HTT: variants seen among roughly 807,000 people sequenced by gnomAD.
The protein encoded by HTT is huntington disease protein.
In HTT, 104 loss-of-function variants were observed where a neutral mutation model predicts 362.3. The ratio of observed to expected loss-of-function variants is 0.29; its 90% CI spans 0.24 to 0.34. The LOEUF (loss-of-function observed/expected upper bound fraction) is 0.34, where lower values mean the gene tolerates loss of function less well. Ranked by LOEUF, HTT falls within the 10% of genes least tolerant of loss-of-function variation. HTT has a pLI of 1.00. For synonymous variants in HTT, 1,577 were observed against 1,548.7 expected (o/e 1.02, Z -0.43); for missense variants, 3,301 against 3,928.6 (o/e 0.84, Z 4.27).
intron 8 of HTT, among the ~76,000 whole-genome samples, chr4:3,116,466 C>T (rs150723108): frequency 1.3e-5 from 2 of 152,302 alleles, no homozygotes; most frequent in East Asian, 1.9e-4. Flanking sequence ...GCGGGTGATG[C>T]CTCCTCAGGT....
intron 7 of HTT, 56 bp downstream of exon 7, chr4:3,115,501 T>A: frequency 7.2e-7 from 1 of 1,387,772 alleles, no homozygotes; most frequent in Non-Finnish European, 1.0e-6. Flanking sequence ...AGATAGACCT[T>A]TGAAATAAAT....
intron 61 of HTT, among the ~76,000 whole-genome samples, chr4:3,234,745 C>T (rs937196774): frequency 2.6e-5 from 4 of 152,164 alleles, no homozygotes; most frequent in South Asian, 2.1e-4. Flanking sequence ...GACAGATATA[C>T]GCATCACTGG....
intron 23 of HTT, among the ~76,000 whole-genome samples, chr4:3,144,078 G>A (rs988339544): frequency 3.3e-5 from 5 of 152,126 alleles, no homozygotes; most frequent in African/African-American, 7.2e-5. Context: ...AAAAAAGGCA[G>A]AATACAAACC....
chr4:3,090,698 A>C (rs1250929370), intron 2 of HTT, among the ~76,000 whole-genome samples: 1 of 152,246 alleles, frequency 6.6e-6, no homozygotes, highest in Admixed American at 6.5e-5. Flanking sequence ...TTATATTACT[A>C]AGTTGAATTT....
Position 3,084,729 on chromosome 4 carries a change from C to G in HTT, c.264-2210C>G, listed in dbSNP as rs765746494. ...CAAGATCAATTAAAATACAGCATTA[C>G]TGGGCCGGGTGTGGTGGCTCACACC... On this transcript the variant is annotated intron_variant, in intron 1 of 66. Transcript: ENST00000355072. Among the ~76,000 whole-genome samples the G allele has an allele frequency of 8.0e-4, 120 of 149,834 alleles. 1 individual carries two copies. The highest frequency in any genetic ancestry group is 2.0e-4 in the Admixed American group (3 of 15,038).
At chr4:3,154,043 T>A (rs2110211577) in intron 26 of HTT, among the ~76,000 whole-genome samples, 1 of 152,320 alleles carries the variant, frequency 6.6e-6, no homozygotes, top group East Asian at 1.9e-4. Context: ...CCTTCCATCT[T>A]CAACTCATTC....
chr4:3,122,792 CT>C (rs1418083900), intron 9 of HTT, 96 bp from the exon 10 acceptor site: 2 of 922,060 alleles, frequency 2.2e-6, no homozygotes, highest in African/African-American at 3.3e-5. Context: ...CACATTTTCT[CT>C]AGTTTTAAAG....
chr4:3,122,954 C>CT lies in HTT; in HGVS notation c.1321+18_1321+19insT, dbSNP rs1254200888. 3 of 1,600,404 alleles carry CT rather than the reference C, an allele frequency of 1.9e-6. No individual in the cohort carries two copies. Among genetic ancestry groups the CT allele is most frequent in the Non-Finnish European group, 1.7e-6 (2 of 1,169,802 alleles). On this transcript the variant is annotated intron_variant, in intron 10 of 66. Transcript: ENST00000355072. ...ACAAAAAGGTGATTATTTCAGAAATCAGAGTCTTGTGTTGAATCTTACTGA... is the reference window on the plus strand; with the variant it reads ...ACAAAAAGGTGATTATTTCAGAAATCTAGAGTCTTGTGTTGAATCTTACTGA...
At chr4:3,106,248 C>T (rs1317809064) in intron 5 of HTT, among the ~76,000 whole-genome samples, 2 of 151,962 alleles carry the variant, frequency 1.3e-5, no homozygotes, top group Admixed American at 6.6e-5. Flanking sequence ...CACAGCCACT[C>T]GAGAGGCTGA....
At chr4:3,234,844 T>C (rs367895333) in intron 61 of HTT, among the ~76,000 whole-genome samples, 9 of 152,322 alleles carry the variant, frequency 5.9e-5, no homozygotes, top group African/African-American at 2.2e-4. Flanking sequence ...AGGTCCTCAC[T>C]GTGCCATGGG....
In HTT at chr4:3,074,942, G is replaced by T. The variant is rs1401136483; in HGVS notation, c.117G>T (p.Pro39=). The T allele has an allele frequency of 2.0e-6, 3 of 1,488,390 alleles. No individual in the cohort carries two copies. Among genetic ancestry groups the T allele is most frequent in the Non-Finnish European group, 2.7e-6 (3 of 1,123,302 alleles). The allele number at this position is 1,488,390 out of a possible 1,614,324, so 92.2% of individuals were successfully genotyped here. A position where few individuals can be genotyped will look rare whatever the true frequency, so the allele number is the denominator to read the frequency against. ...AGCAGCAGCAGCAGCAGCAACAGCC[G>T]CCACCGCCGCCGCCGCCGCCGCCGC... ...QQQQQQQQQQ[P]PPPPPPPPPP... is the part of the protein sequence containing the mutation. Residue 39 remains proline, a synonymous_variant, in exon 1 of 67, where the codon CCG becomes CCT. Coordinates refer to ENST00000355072, the MANE Select transcript of HTT (RefSeq NM_001388492.1).
rs781743669 is a variant in HTT, at chr4:3,146,965, G to A, written c.3295+17G>A. On this transcript the variant is annotated intron_variant, in intron 25 of 66. Transcript: ENST00000355072. ...TGCTTGCAGGTACTGGTACTGAGTT[G>A]AAACAGGGACTCCAGGACTTGGATT... 1.2e-6 allele frequency: 2 copies of A among 1,613,714 alleles called. No individual in the cohort carries two copies. Among genetic ancestry groups the A allele is most frequent in the African/African-American group, 2.7e-5 (2 of 74,930 alleles).
intron 66 of HTT, 60 bp from the exon 67 acceptor site, chr4:3,239,786 G>A: frequency 7.6e-7 from 1 of 1,307,236 alleles, no homozygotes; most frequent in South Asian, 1.3e-5. Context: ...ACTCCCAGGT[G>A]AGGACAGGGA....
At chr4:3,174,202 A>G (rs947811943) in intron 31 of HTT, among the ~76,000 whole-genome samples, 4 of 152,326 alleles carry the variant, frequency 2.6e-5, no homozygotes, top group African/African-American at 9.6e-5. Flanking sequence ...TGTACTTACT[A>G]TATATTGGAG....
intron 6 of HTT, among the ~76,000 whole-genome samples, chr4:3,114,929 G>A (rs1347505807): frequency 6.6e-6 from 1 of 152,158 alleles, no homozygotes; most frequent in East Asian, 1.9e-4. Context: ...CCATCTCTTA[G>A]GGTGGGGCAT....
At position 3,189,100 on chromosome 4, in the gene HTT, G is replaced by GA. The variant is rs765209692; in HGVS notation, c.5368+9dup. On this transcript the variant is annotated splice_region_variant and intron_variant, in intron 40 of 66. Transcript: ENST00000355072. Reference sequence around the variant, plus strand: ...ATCCACATCTTCAAGTCTGGTAGGTGAATCACATTAGTCTTCCTGGAGTGT... The same window carrying GA: ...ATCCACATCTTCAAGTCTGGTAGGTGAAATCACATTAGTCTTCCTGGAGTGT... The GA allele has an allele frequency of 6.2e-7, 1 of 1,613,872 alleles. No individual in the cohort carries two copies. Among genetic ancestry groups the GA allele is most frequent in the South Asian group, 1.1e-5 (1 of 91,052 alleles).
chr4:3,077,606 G>A (rs1712628410), intron 1 of HTT, among the ~76,000 whole-genome samples: 1 of 152,074 alleles, frequency 6.6e-6, no homozygotes, highest in Admixed American at 6.6e-5. Context: ...TTTTAGTAGA[G>A]ATGGGGTTTC....
chr4:3,219,937 G>A (rs1720598332), intron 52 of HTT, among the ~76,000 whole-genome samples: 1 of 152,142 alleles, frequency 6.6e-6, no homozygotes. Context: ...AGTGGGGTGT[G>A]CCAGCAGCCT....
intron 60 of HTT, among the ~76,000 whole-genome samples, chr4:3,231,105 A>G (rs1304441793): frequency 6.6e-6 from 1 of 152,216 alleles, no homozygotes; most frequent in Admixed American, 6.5e-5. Context: ...GGATGGCAGA[A>G]CTGTCAGAGC....
Sources: allele counts gnomAD v4.1 joint callset (sites outside exome capture counted in the v4.1 genomes callset), GRCh38; gene constraint gnomAD v4.1.1; transcripts MANE v1.5; gene names NCBI Gene and HGNC (gene_info 2026-07-23, HGNC 2026-07-21).